Variants in ATRNL1 observed in about 807,000 individuals in gnomAD.
ATRNL1 encodes attractin-like protein 1.
Under a neutral mutation model 182.7 loss-of-function variants are expected in ATRNL1, and 95 were observed. The observed-to-expected ratio is 0.52, with a 90% CI of 0.44 to 0.62. ATRNL1 has a LOEUF of 0.62. ATRNL1 is among the 20% of genes least tolerant of loss of function. The probability of loss-of-function intolerance (pLI) is 0.00; values close to 1 mark genes in which losing one functional copy is unlikely to be tolerated. For missense variants in ATRNL1, 1,471 were observed against 1,679.5 expected, an observed-to-expected ratio of 0.88 and a Z score of 2.17; for synonymous variants, 576 against 568.3, an observed-to-expected ratio of 1.01 and a Z score of -0.19.
chr10:115,646,054 C>CACACACACACACA (rs1859593008), intron 26 of ATRNL1, among the ~76,000 whole-genome samples: 1 of 151,630 alleles, frequency 6.6e-6, no homozygotes, highest in Non-Finnish European at 1.5e-5. Flanking sequence ...CACACACACA[C>CACACACACACACA]ACACACACAC....
chr10:115,111,387 A>C (rs1050517760), intron 1 of ATRNL1, among the ~76,000 whole-genome samples: 7 of 152,196 alleles, frequency 4.6e-5, no homozygotes, highest in Admixed American at 2.6e-4. Context: ...GATAATGTGT[A>C]AGGAAAAGAG....
chr10:115,795,004 A>T (rs200440222), intron 27 of ATRNL1, among the ~76,000 whole-genome samples: 1 of 152,214 alleles, frequency 6.6e-6, no homozygotes, highest in East Asian at 1.9e-4. Flanking sequence ...TGTCCTTTTG[A>T]AAAGTCTCTA....
At chr10:115,755,674 C>T (rs1389291043) in intron 27 of ATRNL1, among the ~76,000 whole-genome samples, 3 of 152,122 alleles carry the variant, frequency 2.0e-5, no homozygotes, top group Non-Finnish European at 2.9e-5. Context: ...CCGGATGATG[C>T]TGGCCTCATA....
chr10:115,879,312 A>AAAAAAAAAAG (rs781983949), intron 28 of ATRNL1, among the ~76,000 whole-genome samples: 1,688 of 150,796 alleles, frequency 0.011, 37 homozygotes, highest in Middle Eastern at 0.038. Flanking sequence ...TCTCAAAAAA[A>AAAAAAAAAAG]AAAGAAAGAA....
intron 26 of ATRNL1, among the ~76,000 whole-genome samples, chr10:115,623,577 C>A (rs1212133720): frequency 6.6e-6 from 1 of 151,682 alleles, no homozygotes. Flanking sequence ...CTCATGTAAG[C>A]AATTTAAGAA....
intron 5 of ATRNL1, among the ~76,000 whole-genome samples, chr10:115,159,491 GA>G (rs1224684893): frequency 1.3e-5 from 2 of 151,160 alleles, no homozygotes; most frequent in Non-Finnish European, 3.0e-5. Flanking sequence ...GGACTCCACT[GA>G]AGCAAACTTT....
At chr10:115,743,429 G>A (rs1948198157) in intron 27 of ATRNL1, among the ~76,000 whole-genome samples, 1 of 4,958 alleles carries the variant, frequency 2.0e-4, no homozygotes, top group Non-Finnish European at 5.1e-3. Flanking sequence ...GCCTAAAGTG[G>A]TAGTTTAACT....
chr10:115,856,310 C>T (rs1384974568), intron 28 of ATRNL1, among the ~76,000 whole-genome samples: 3 of 151,628 alleles, frequency 2.0e-5, no homozygotes, highest in African/African-American at 7.3e-5. Context: ...TGCCCGTAAT[C>T]CCAGCTACTG....
intron 26 of ATRNL1, among the ~76,000 whole-genome samples, chr10:115,626,097 A>G (rs184802096): frequency 5.3e-4 from 81 of 152,312 alleles, no homozygotes; most frequent in Non-Finnish European, 6.5e-4. Flanking sequence ...CCAAAATATT[A>G]AACCCTTCTC....
At chr10:115,898,709 A>C (rs1952270734) in intron 28 of ATRNL1, among the ~76,000 whole-genome samples, 2 of 152,224 alleles carry the variant, frequency 1.3e-5, no homozygotes, top group Admixed American at 6.5e-5. Flanking sequence ...CTGGAATGAG[A>C]TGGCACATGA....
intron 15 of ATRNL1, among the ~76,000 whole-genome samples, chr10:115,291,874 T>C (rs1852930511): frequency 1.3e-5 from 2 of 149,580 alleles, no homozygotes; most frequent in African/African-American, 4.9e-5. Context: ...GCTGACCTCA[T>C]AGAATGAGTT....
chr10:115,371,989 A>T (rs887289145), intron 19 of ATRNL1, among the ~76,000 whole-genome samples: 2 of 152,130 alleles, frequency 1.3e-5, no homozygotes, highest in African/African-American at 4.8e-5. Context: ...TGATGGTTTG[A>T]AAAAGGGGAG....
At chr10:115,843,091 TATTC>T (rs1950847541) in intron 27 of ATRNL1, among the ~76,000 whole-genome samples, 1 of 152,114 alleles carries the variant, frequency 6.6e-6, no homozygotes, top group Non-Finnish European at 1.5e-5. Flanking sequence ...CAACTTCATT[TATTC>T]ATTCATTAAC....
At chr10:115,871,208 C>T (rs1951571292) in intron 28 of ATRNL1, among the ~76,000 whole-genome samples, 1 of 151,918 alleles carries the variant, frequency 6.6e-6, no homozygotes, top group Admixed American at 6.6e-5. Context: ...GGACAAGGAC[C>T]ATTAGCATTA....
chr10:115,737,546 C>T (rs1009890042), intron 27 of ATRNL1, among the ~76,000 whole-genome samples: 1 of 152,082 alleles, frequency 6.6e-6, no homozygotes, highest in Non-Finnish European at 1.5e-5. Flanking sequence ...TTTTACTGAA[C>T]ACAGGTTCTC....
At chr10:115,102,751 GATA>G (rs1554864924) in intron 1 of ATRNL1, among the ~76,000 whole-genome samples, 2 of 152,156 alleles carry the variant, frequency 1.3e-5, no homozygotes, top group Non-Finnish European at 2.9e-5. Context: ...CTTGAAGTTA[GATA>G]ATGAGATTCC....
chr10:115,909,713 G>T (rs1952617588), intron 28 of ATRNL1: 1 of 150,622 alleles, frequency 6.6e-6, no homozygotes, highest in African/African-American at 2.4e-5. Flanking sequence ...CTCCCAAGGA[G>T]AATTATCATG....
intron 26 of ATRNL1, among the ~76,000 whole-genome samples, chr10:115,719,223 G>C (rs1432572959): frequency 6.6e-6 from 1 of 152,046 alleles, no homozygotes; most frequent in African/African-American, 2.4e-5. Flanking sequence ...TCTTGACAAG[G>C]CATTAAGACT....
intron 26 of ATRNL1, among the ~76,000 whole-genome samples, chr10:115,587,124 G>C (rs1420165536): frequency 6.7e-6 from 1 of 148,820 alleles, no homozygotes. Context: ...CAGATCTCCA[G>C]CTGCGTACTG....
Sources: gnomAD v4.1 joint callset for allele counts (sites outside exome capture counted in the v4.1 genomes callset) on GRCh38, gnomAD v4.1.1 for gene constraint, MANE v1.5 for transcripts, NCBI Gene and HGNC (gene_info 2026-07-23, HGNC 2026-07-21) for gene names.